The following IL1RAPL1 variants were observed in gnomAD, a reference collection of about 807,000 sequenced individuals.
The protein encoded by IL1RAPL1 is interleukin 1 receptor accessory protein like 1.
In IL1RAPL1, 3 loss-of-function variants were observed where a neutral mutation model predicts 48.4. That is an observed-to-expected ratio of 0.06 (90% CI 0.03 to 0.16). IL1RAPL1 has a LOEUF of 0.16. Ranked by LOEUF, IL1RAPL1 falls within the 10% of genes least tolerant of loss-of-function variation. The probability of loss-of-function intolerance (pLI) is 1.00; values close to 1 mark genes in which losing one functional copy is unlikely to be tolerated. For synonymous variants in IL1RAPL1, 185 were observed against 187.7 expected, an observed-to-expected ratio of 0.99 and a Z score of 0.12; for missense variants, 349 against 530.6, an observed-to-expected ratio of 0.66 and a Z score of 3.36.
intron 2 of IL1RAPL1, among the ~76,000 whole-genome samples, chrX:29,110,044 C>T (rs1449980854): frequency 8.9e-6 from 1 of 111,823 alleles, no homozygotes; most frequent in Non-Finnish European, 1.9e-5. Flanking sequence ...TTGTGCTCTT[C>T]AGCTGTATTA....
chrX:29,012,657 G>A (rs943546009), intron 2 of IL1RAPL1, among the ~76,000 whole-genome samples: 98 of 112,133 alleles, frequency 8.7e-4, no homozygotes, highest in Middle Eastern at 4.6e-3. Flanking sequence ...TTTACAAATG[G>A]AAAACTCATT....
intron 6 of IL1RAPL1, among the ~76,000 whole-genome samples, chrX:29,772,271 C>A (rs66821606): frequency 0.065 from 6,825 of 104,979 alleles, 368 homozygotes; most frequent in East Asian, 0.27. Flanking sequence ...AAAAAAAAGT[C>A]AAATAGATTC....
intron 2 of IL1RAPL1, among the ~76,000 whole-genome samples, chrX:28,891,757 T>TG (rs1371113061): frequency 3.6e-5 from 4 of 111,567 alleles, no homozygotes; most frequent in Non-Finnish European, 5.6e-5. Flanking sequence ...AGTTTTTGTG[T>TG]GGAGATATTG....
chrX:29,180,082 A>G (rs1930113079), intron 2 of IL1RAPL1, among the ~76,000 whole-genome samples: 1 of 108,380 alleles, frequency 9.2e-6, no homozygotes, highest in African/African-American at 3.4e-5. Context: ...ACAACAAATC[A>G]ATCTCTCTCT....
chrX:29,383,300 A>G (rs1933734746), intron 3 of IL1RAPL1, among the ~76,000 whole-genome samples: 1 of 112,184 alleles, frequency 8.9e-6, no homozygotes, highest in African/African-American at 3.2e-5. Context: ...TTCAAGAAAG[A>G]TGTTACTTGT....
chrX:29,359,147 T>C (rs1054084088), intron 3 of IL1RAPL1, among the ~76,000 whole-genome samples: 2 of 111,850 alleles, frequency 1.8e-5, no homozygotes, highest in South Asian at 7.4e-4. Context: ...AAAGAAAATA[T>C]GTTCATTCAG....
chrX:29,709,446 A>G (rs999283529), intron 6 of IL1RAPL1, among the ~76,000 whole-genome samples: 2 of 111,416 alleles, frequency 1.8e-5, no homozygotes, highest in African/African-American at 3.3e-5. Flanking sequence ...TTGAAAATCA[A>G]TTGTTCATAA....
At position 29,846,776 on chromosome X, in the gene IL1RAPL1, ATGTATATATG is replaced by A. The variant is rs886665671; in HGVS notation, c.779-70686_779-70677del. The stretch of plus-strand genomic sequence containing the variant: ...TCTATATATATATATATACATATAT[ATGTATATATG>A]TATATATATGTATATACACACACAC... On this transcript the variant is annotated intron_variant, in intron 6 of 10. Coordinates refer to ENST00000378993, the MANE Select transcript of IL1RAPL1 (RefSeq NM_014271.4). Among the ~76,000 whole-genome samples the A allele has an allele frequency of 4.1e-5, 3 of 73,811 alleles. No homozygotes were observed. The Admixed American group carries it at 4.4e-4, about 11-fold the overall frequency. 64.1% of individuals were successfully genotyped at this position (73,811 alleles called of 115,157 possible). A position where few individuals can be genotyped will look rare whatever the true frequency, so the allele number is the denominator to read the frequency against.
chrX:28,737,183 T>TC (rs1935844867), intron 1 of IL1RAPL1, among the ~76,000 whole-genome samples: 2 of 90,817 alleles, frequency 2.2e-5, no homozygotes, highest in African/African-American at 4.1e-5. Flanking sequence ...CCTTCCTTTC[T>TC]TTCCTTTCTC....
At chrX:29,238,418 G>C (rs760955677) in intron 2 of IL1RAPL1, among the ~76,000 whole-genome samples, 1 of 111,603 alleles carries the variant, frequency 9.0e-6, no homozygotes, top group Non-Finnish European at 1.9e-5. Context: ...TGTTCTTCCT[G>C]TATTACCTAT....
intron 5 of IL1RAPL1, among the ~76,000 whole-genome samples, chrX:29,641,773 C>A (rs1030946058): frequency 2.7e-5 from 3 of 112,246 alleles, no homozygotes; most frequent in Non-Finnish European, 5.6e-5. Context: ...TGCTTAGAAT[C>A]CCTGAACATT....
chrX:29,053,643 C>T (rs1927147746), intron 2 of IL1RAPL1, among the ~76,000 whole-genome samples: 1 of 111,700 alleles, frequency 9.0e-6, no homozygotes, highest in South Asian at 3.7e-4. Flanking sequence ...AATCTTTGCC[C>T]GTTCCTCTGT....
intron 2 of IL1RAPL1, among the ~76,000 whole-genome samples, chrX:29,016,599 T>C (rs1421125906): frequency 3.6e-5 from 4 of 111,317 alleles, no homozygotes; most frequent in Non-Finnish European, 7.5e-5. Context: ...GAACAAAATG[T>C]ACATTGTGAA....
rs528390090 is a variant in IL1RAPL1 at position 28,733,539 on chromosome X, C to A, written c.-24-55781C>A. Among the ~76,000 whole-genome samples the A allele has an allele frequency of 2.2e-4, 24 of 111,493 alleles. No homozygotes were observed. In the South Asian group the frequency reaches 6.5e-3, roughly 30 times the overall value. On this transcript the variant is annotated intron_variant, in intron 1 of 10. Coordinates refer to ENST00000378993, the MANE Select transcript of IL1RAPL1 (RefSeq NM_014271.4). ...TTAAGGCAGATAGTTGACCTATCAG[C>A]AACAATTTATCACCTACTTCTTTGA...
chrX:29,202,789 A>G (rs1452856135), intron 2 of IL1RAPL1, among the ~76,000 whole-genome samples: 4 of 111,988 alleles, frequency 3.6e-5, no homozygotes, highest in African/African-American at 1.3e-4. Flanking sequence ...GTTCTGACCT[A>G]TAAGTGGGAA....
intron 1 of IL1RAPL1, among the ~76,000 whole-genome samples, chrX:28,643,230 G>A (rs759482588): frequency 9.0e-6 from 1 of 111,354 alleles, no homozygotes; most frequent in Admixed American, 9.6e-5. Context: ...CCCACTCATA[G>A]CATTGGCAAA....
chrX:29,695,009 C>T (rs2147112791), intron 6 of IL1RAPL1, among the ~76,000 whole-genome samples: 1 of 110,875 alleles, frequency 9.0e-6, no homozygotes, highest in South Asian at 3.8e-4. Flanking sequence ...GTACAATGAC[C>T]AAAAACAATA....
intron 5 of IL1RAPL1, among the ~76,000 whole-genome samples, chrX:29,644,541 C>A (rs1183727266): frequency 9.4e-6 from 1 of 106,657 alleles, no homozygotes; most frequent in African/African-American, 3.6e-5. Context: ...CATTGTCTAT[C>A]ATGTGTTTTT....
chrX:28,815,052 T>C (rs1040007748), intron 2 of IL1RAPL1, among the ~76,000 whole-genome samples: 4 of 110,720 alleles, frequency 3.6e-5, no homozygotes, highest in African/African-American at 1.3e-4. Flanking sequence ...ACATTGTTAC[T>C]ATTATTAAAA....
Sources: allele counts gnomAD v4.1 joint callset (sites outside exome capture counted in the v4.1 genomes callset), GRCh38; gene constraint gnomAD v4.1.1; transcripts MANE v1.5; gene names NCBI Gene and HGNC (gene_info 2026-07-23, HGNC 2026-07-21).